The following CENPP variants were observed in gnomAD, a reference collection of about 807,000 sequenced individuals.
CENPP encodes centromere protein P.
CENPP carries 24 observed loss-of-function variants against 35.6 expected under a neutral mutation model. The ratio of observed to expected loss-of-function variants is 0.67; its 90% CI spans 0.49 to 0.95. The LOEUF is 0.95. Among genes scored for constraint, CENPP ranks in the 40% least tolerant of loss-of-function variants. CENPP has a pLI of 0.00. For missense variants in CENPP, 332 were observed against 345.3 expected, an observed-to-expected ratio of 0.96 and a Z score of 0.31; for synonymous variants, 120 against 125.5, an observed-to-expected ratio of 0.96 and a Z score of 0.29.
At chr9:92,393,337 C>T in intron 5 of CENPP, 2 of 964,630 alleles carry the variant, frequency 2.1e-6, no homozygotes, top group Non-Finnish European at 3.0e-6. Context: ...AATGCTATTA[C>T]TAATTTGAAG....
At chr9:92,366,233 CTT>C (rs1476258115) in intron 4 of CENPP, among the ~76,000 whole-genome samples, 1 of 145,904 alleles carries the variant, frequency 6.9e-6, no homozygotes, top group Non-Finnish European at 1.5e-5. Flanking sequence ...ATTCTAAAAA[CTT>C]ATATATTTAT....
chr9:92,341,983 T>C (rs1394833619), intron 3 of CENPP, among the ~76,000 whole-genome samples: 1 of 152,260 alleles, frequency 6.6e-6, no homozygotes, highest in Non-Finnish European at 1.5e-5. Context: ...ATAAAGGTAC[T>C]AGAAGTGTAT....
At chr9:92,596,744 C>T (rs912609581) in intron 5 of CENPP, among the ~76,000 whole-genome samples, 4 of 151,908 alleles carry the variant, frequency 2.6e-5, no homozygotes, top group East Asian at 3.9e-4. Context: ...ATAAAAAAAA[C>T]GATGATAAGA....
chr9:92,498,105 G>A (rs752430728), intron 5 of CENPP, among the ~76,000 whole-genome samples: 1 of 152,220 alleles, frequency 6.6e-6, no homozygotes, highest in South Asian at 2.1e-4. Flanking sequence ...TTACTTTATA[G>A]CATCAGAATT....
chr9:92,550,804 A>C (rs1849571649), intron 5 of CENPP, among the ~76,000 whole-genome samples: 2 of 152,116 alleles, frequency 1.3e-5, no homozygotes, highest in African/African-American at 4.8e-5. Flanking sequence ...CCAGGTTCCA[A>C]TTTAGAATCC....
At chr9:92,365,333 A>G (rs1432258395) in intron 4 of CENPP, among the ~76,000 whole-genome samples, 3 of 151,358 alleles carry the variant, frequency 2.0e-5, no homozygotes, top group African/African-American at 7.3e-5. Flanking sequence ...TAATCATATC[A>G]GTTTGTTATC....
chr9:92,393,216 A>G, intron 5 of CENPP: 1 of 1,605,944 alleles, frequency 6.2e-7, no homozygotes, highest in Non-Finnish European at 8.5e-7. Context: ...AGCCACTTAA[A>G]CAAACACACA....
intron 4 of CENPP, among the ~76,000 whole-genome samples, chr9:92,376,944 C>T (rs1262033258): frequency 6.6e-6 from 1 of 151,820 alleles, no homozygotes; most frequent in African/African-American, 2.4e-5. Flanking sequence ...GCTTGGGAGG[C>T]TGAGGCGGGA....
chr9:92,522,074 T>G (rs1310682037), intron 5 of CENPP, among the ~76,000 whole-genome samples: 1 of 151,664 alleles, frequency 6.6e-6, no homozygotes, highest in Non-Finnish European at 1.5e-5. Context: ...GGTTGTTTTG[T>G]TTTGTTTTGT....
intron 5 of CENPP, among the ~76,000 whole-genome samples, chr9:92,394,766 G>A (rs7467899): frequency 0.42 from 62,998 of 150,446 alleles, 15,691 homozygotes; most frequent in East Asian, 0.8. Flanking sequence ...CACCATGTCC[G>A]GCTAATTTTT....
chr9:92,569,687 T>C (rs564747292), intron 5 of CENPP, among the ~76,000 whole-genome samples: 38 of 152,302 alleles, frequency 2.5e-4, no homozygotes, highest in African/African-American at 8.4e-4. Context: ...GCCATCTTCA[T>C]GGTATTGATT....
chr9:92,546,456 C>T (rs889167135), intron 5 of CENPP, among the ~76,000 whole-genome samples: 10 of 152,166 alleles, frequency 6.6e-5, no homozygotes, highest in African/African-American at 1.4e-4. Context: ...TCTGCAGCTT[C>T]GCTCCTGAAG....
intron 4 of CENPP, among the ~76,000 whole-genome samples, chr9:92,349,373 TG>T (rs1400422598): frequency 1.3e-5 from 2 of 152,042 alleles, no homozygotes; most frequent in African/African-American, 4.8e-5. Context: ...TTTCAGTTTT[TG>T]GTGAATATAG....
rs560883774 is a variant in CENPP, at chr9:92,495,770, A to G, written c.565-115544A>G. Reference sequence around the variant, plus strand: ...AGTAGTGTTTTAATTTTACACATGTAATTAATGGAAGAAATGAAAGCTACC... The same window carrying G: ...AGTAGTGTTTTAATTTTACACATGTGATTAATGGAAGAAATGAAAGCTACC... On this transcript the variant is annotated intron_variant, in intron 5 of 7. Coordinates refer to ENST00000375587, the MANE Select transcript of CENPP (RefSeq NM_001012267.3). The G allele has an allele frequency of 2.5e-5, 24 of 944,494 alleles. No individual in the cohort carries two copies. The African/African-American group carries it at 4.3e-4, about 17-fold the overall frequency. The allele number at this position is 944,494 out of a possible 1,614,324, so 58.5% of individuals were successfully genotyped here.
intron 5 of CENPP, among the ~76,000 whole-genome samples, chr9:92,483,232 C>CT (rs1380862828): frequency 0.018 from 2,566 of 142,742 alleles, 72 homozygotes; most frequent in African/African-American, 0.055. Context: ...GGACAGTTTT[C>CT]TTTTTTTTTT....
At chr9:92,573,876 G>T (rs577676617) in intron 5 of CENPP, among the ~76,000 whole-genome samples, 1 of 152,214 alleles carries the variant, frequency 6.6e-6, no homozygotes, top group Non-Finnish European at 1.5e-5. Context: ...GCGAGGCTTC[G>T]TGGGCATGGA....
intron 5 of CENPP, among the ~76,000 whole-genome samples, chr9:92,559,374 C>G (rs904109560): frequency 1.3e-5 from 2 of 152,286 alleles, no homozygotes; most frequent in South Asian, 4.2e-4. Context: ...AAACTTCTCC[C>G]GCAAACAGAC....
intron 5 of CENPP, among the ~76,000 whole-genome samples, chr9:92,560,191 CAT>C (rs569709645): frequency 6.6e-6 from 1 of 152,090 alleles, no homozygotes; most frequent in Non-Finnish European, 1.5e-5. Flanking sequence ...CGTAATCCGT[CAT>C]AGTCTAGTTT....
intron 4 of CENPP, among the ~76,000 whole-genome samples, chr9:92,364,648 A>G (rs1211901780): frequency 6.6e-6 from 1 of 152,218 alleles, no homozygotes; most frequent in African/African-American, 2.4e-5. Flanking sequence ...CTGTATGTAA[A>G]TTCTTAAATA....
Sources: gnomAD v4.1 joint callset for allele counts (sites outside exome capture counted in the v4.1 genomes callset) on GRCh38, gnomAD v4.1.1 for gene constraint, MANE v1.5 for transcripts, NCBI Gene and HGNC (gene_info 2026-07-23, HGNC 2026-07-21) for gene names.